The following WDPCP variants were observed in gnomAD, a reference collection of about 807,000 sequenced individuals.
WDPCP encodes WD repeat containing planar cell polarity effector.
A neutral mutation model predicts 93.1 loss-of-function variants in WDPCP; 71 were observed. The ratio of observed to expected loss-of-function variants is 0.76; its 90% CI spans 0.63 to 0.93. WDPCP has a LOEUF of 0.93. WDPCP is among the 40% of genes least tolerant of loss of function. WDPCP has a pLI of 0.00. For synonymous variants in WDPCP, 315 were observed against 315.0 expected, an observed-to-expected ratio of 1.00 and a Z score of 0.00; for missense variants, 844 against 887.4, an observed-to-expected ratio of 0.95 and a Z score of 0.62.
intron 2 of WDPCP, among the ~76,000 whole-genome samples, chr2:63,723,872 C>G (rs1398388086): frequency 1.3e-5 from 2 of 152,142 alleles, no homozygotes; most frequent in African/African-American, 4.8e-5. Flanking sequence ...ACATTGACTT[C>G]TGATAAATTT....
chr2:63,441,196 A>G (rs1575426440), intron 6 of WDPCP: 2 of 152,094 alleles, frequency 1.3e-5, no homozygotes, highest in Non-Finnish European at 2.9e-5. Flanking sequence ...GAGAAGGCAC[A>G]TTTGTTTCAA....
chr2:63,153,318 A>T (rs1261463700), intron 16 of WDPCP, among the ~76,000 whole-genome samples, 177 bp downstream of exon 16: 1 of 152,180 alleles, frequency 6.6e-6, no homozygotes, highest in Non-Finnish European at 1.5e-5. Flanking sequence ...GATCATTGAA[A>T]TTTCACCTTT....
chr2:63,605,063 C>CA (rs1185566595), intron 3 of WDPCP, among the ~76,000 whole-genome samples: 3 of 152,092 alleles, frequency 2.0e-5, no homozygotes, highest in African/African-American at 7.2e-5. Context: ...TACCAAGATC[C>CA]ATGTCTTTGT....
chr2:63,724,325 A>G (rs746211472), intron 2 of WDPCP, among the ~76,000 whole-genome samples: 59 of 151,090 alleles, frequency 3.9e-4, no homozygotes, highest in Non-Finnish European at 5.6e-4. Flanking sequence ...TTTTTTTTTC[A>G]TCTTCTAAAC....
intron 10 of WDPCP, among the ~76,000 whole-genome samples, chr2:63,393,683 A>G (rs1693475014): frequency 1.3e-5 from 2 of 152,162 alleles, no homozygotes; most frequent in African/African-American, 4.8e-5. Flanking sequence ...CTATACCACA[A>G]TGATGCAATG....
chr2:63,546,060 C>A (rs1705130123), intron 1 of WDPCP, among the ~76,000 whole-genome samples: 1 of 152,036 alleles, frequency 6.6e-6, no homozygotes, highest in African/African-American at 2.4e-5. Context: ...ACCCAGCACA[C>A]CAAGGAACTA....
chr2:63,502,186 G>C (rs1701601478), intron 1 of WDPCP, among the ~76,000 whole-genome samples: 1 of 152,012 alleles, frequency 6.6e-6, no homozygotes, highest in African/African-American at 2.4e-5. Flanking sequence ...AACTTGCTTT[G>C]TTCACTGAAC....
At chr2:63,156,734 T>A (rs1672282357) in intron 15 of WDPCP, among the ~76,000 whole-genome samples, 1 of 152,088 alleles carries the variant, frequency 6.6e-6, no homozygotes, top group African/African-American at 2.4e-5. Flanking sequence ...CGAGACTCTG[T>A]CTCAAAAAAA....
In WDPCP at chr2:63,588,278, A is replaced by C. The variant is rs1330699681; in HGVS notation, c.-7T>G. The C allele has an allele frequency of 6.4e-7, 1 of 1,571,296 alleles. No individual in the cohort carries two copies. The highest frequency in any genetic ancestry group is 1.8e-5 in the Admixed American group (1 of 56,186). On this transcript the variant is annotated 5_prime_UTR_variant, in exon 1 of 18. Transcript: ENST00000272321. ...AGCAAAACTCTCGCCTCATCACCAG[A>C]CACTACCCCGGGCAGAAGGTTCCTA...
chr2:63,534,502 C>T (rs1704113510), intron 1 of WDPCP, among the ~76,000 whole-genome samples: 1 of 152,150 alleles, frequency 6.6e-6, no homozygotes, highest in South Asian at 2.1e-4. Context: ...CATCAAAAAG[C>T]TTATCCATGA....
intron 10 of WDPCP, among the ~76,000 whole-genome samples, chr2:63,388,775 A>C (rs1389215521): frequency 6.6e-6 from 1 of 152,202 alleles, no homozygotes; most frequent in Non-Finnish European, 1.5e-5. Flanking sequence ...TAGCCGATTC[A>C]ATCAAGTGGA....
intron 2 of WDPCP, chr2:63,684,520 G>A (rs1177459256): frequency 6.8e-6 from 5 of 733,738 alleles, no homozygotes; most frequent in Non-Finnish European, 1.3e-5. Flanking sequence ...AGTCTTTTGT[G>A]AGAGTTTATA....
At chr2:63,718,122 T>C (rs1228152431) in intron 2 of WDPCP, among the ~76,000 whole-genome samples, 2 of 152,012 alleles carry the variant, frequency 1.3e-5, no homozygotes, top group Non-Finnish European at 2.9e-5. Context: ...ATATATATGA[T>C]ATATATATGT....
intron 12 of WDPCP, among the ~76,000 whole-genome samples, chr2:63,342,365 T>C (rs1688905660): frequency 6.6e-6 from 1 of 152,212 alleles, no homozygotes; most frequent in Non-Finnish European, 1.5e-5. Flanking sequence ...ATTTAATCTA[T>C]TTACATTTAA....
rs762605486 is a variant in WDPCP at position 63,378,505 on chromosome 2, C to T, written c.1629G>A (p.Gln543=). 7.4e-6 allele frequency: 12 copies of T among 1,613,002 alleles called. No homozygotes were observed. The highest frequency in any genetic ancestry group is 1.0e-5 in the Non-Finnish European group (12 of 1,179,350). ...AGAAGGTTCCAAGGCTTGTCTCAAGCTGTGCTGTGGAATTCAAACATAGCA... is the reference window on the plus strand; with the variant it reads ...AGAAGGTTCCAAGGCTTGTCTCAAGTTGTGCTGTGGAATTCAAACATAGCA... The part of the protein sequence containing the change: ...RQKLTPEREA[Q]LETSLGTFYA... The change falls in exon 12 of 18, where the codon CAG becomes CAA. Residue 543 remains glutamine (Q), a synonymous_variant. Coordinates refer to ENST00000272321, the MANE Select transcript of WDPCP (RefSeq NM_015910.7).
chr2:63,625,159 G>C (rs1709797241), intron 3 of WDPCP, among the ~76,000 whole-genome samples: 1 of 152,108 alleles, frequency 6.6e-6, no homozygotes, highest in Admixed American at 6.5e-5. Context: ...CAATAATCTA[G>C]GTATTGATGG....
At chr2:63,159,295 T>G (rs777415502) in intron 15 of WDPCP, among the ~76,000 whole-genome samples, 23 of 151,928 alleles carry the variant, frequency 1.5e-4, no homozygotes, top group Admixed American at 4.6e-4. Context: ...TGTCACTAGT[T>G]GCCTAGGCTA....
At chr2:63,827,614 T>A (rs1671133548) in intron 1 of WDPCP, 1 of 152,202 alleles carries the variant, frequency 6.6e-6, no homozygotes, top group Non-Finnish European at 1.5e-5. Flanking sequence ...AAAAAATTAT[T>A]GGCTTACATA....
intron 13 of WDPCP, among the ~76,000 whole-genome samples, chr2:63,296,818 C>G (rs546935308): frequency 3.5e-4 from 54 of 152,256 alleles, no homozygotes; most frequent in African/African-American, 1.2e-3. Context: ...GGAAAACATT[C>G]CATGCTCATG....
Sources: gnomAD v4.1 joint callset for allele counts (sites outside exome capture counted in the v4.1 genomes callset) on GRCh38, gnomAD v4.1.1 for gene constraint, MANE v1.5 for transcripts, NCBI Gene and HGNC (gene_info 2026-07-23, HGNC 2026-07-21) for gene names.